Variants in ASTN2 observed in about 807,000 individuals in gnomAD.
The protein encoded by ASTN2 is astrotactin 2.
A neutral mutation model predicts 139.8 loss-of-function variants in ASTN2; 54 were observed. The observed-to-expected ratio is 0.39, with a 90% CI of 0.31 to 0.48. ASTN2 has a LOEUF of 0.48. Among genes scored for constraint, ASTN2 ranks in the 20% least tolerant of loss-of-function variants. The probability of loss-of-function intolerance (pLI) is 0.95; values close to 1 mark genes in which losing one functional copy is unlikely to be tolerated. For missense variants in ASTN2, 1,565 were observed against 1,725.1 expected, an observed-to-expected ratio of 0.91 and a Z score of 1.64; for synonymous variants, 756 against 719.5, an observed-to-expected ratio of 1.05 and a Z score of -0.81.
Position 116,568,908 on chromosome 9 carries a change from C to T in ASTN2, c.3355+49416G>A, listed in dbSNP as rs537436790. 142 of 152,186 alleles carry T rather than the reference C, an allele frequency of 9.3e-4. 1 individual carries two copies. The highest frequency in any genetic ancestry group is 3.3e-3 in the African/African-American group (138 of 41,526). 9.4% of individuals were successfully genotyped at this position (152,186 alleles called of 1,614,324 possible). On this transcript the variant is annotated intron_variant, in intron 19 of 22. Coordinates refer to ENST00000313400, the MANE Select transcript of ASTN2 (RefSeq NM_001365068.1). ...GGGAGAATGCCACTTTCCAGTATTA[C>T]AAAAATATCCTTTAGGCAAGGTGAG...
chr9:117,400,022 G>C (rs188504398), intron 1 of ASTN2, among the ~76,000 whole-genome samples: 1 of 152,252 alleles, frequency 6.6e-6, no homozygotes, highest in East Asian at 1.9e-4. Context: ...CTATATGATG[G>C]ACACATCTGT....
At chr9:117,141,259 C>A in intron 4 of ASTN2, 67 bp downstream of exon 4, 1 of 1,334,680 alleles carries the variant, frequency 7.5e-7, no homozygotes, top group East Asian at 4.6e-5. Context: ...GCACAGATCT[C>A]CCTAGCATCT....
At chr9:117,155,203 G>T (rs1273038436) in intron 3 of ASTN2, among the ~76,000 whole-genome samples, 1 of 151,814 alleles carries the variant, frequency 6.6e-6, no homozygotes, top group Non-Finnish European at 1.5e-5. Flanking sequence ...CCTTGTTTTG[G>T]CCCTGGTTAA....
intron 11 of ASTN2, among the ~76,000 whole-genome samples, chr9:116,849,821 T>A (rs549600413): frequency 5.3e-5 from 8 of 152,326 alleles, no homozygotes; most frequent in Non-Finnish European, 2.9e-5. Context: ...CACCTTCTCA[T>A]TGATCACTCA....
At chr9:117,030,885 C>T (rs1017508837) in intron 6 of ASTN2, among the ~76,000 whole-genome samples, 42 of 152,124 alleles carry the variant, frequency 2.8e-4, no homozygotes, top group Non-Finnish European at 7.4e-5. Flanking sequence ...AATTATATTA[C>T]CAATTTCATT....
At chr9:117,148,966 C>G (rs967895324) in intron 3 of ASTN2, among the ~76,000 whole-genome samples, 1 of 151,662 alleles carries the variant, frequency 6.6e-6, no homozygotes, top group African/African-American at 2.4e-5. Flanking sequence ...ACTTGCCAGC[C>G]TCCACAATGA....
At chr9:116,860,525 T>C (rs1832849334) in intron 11 of ASTN2, among the ~76,000 whole-genome samples, 1 of 152,232 alleles carries the variant, frequency 6.6e-6, no homozygotes, top group Non-Finnish European at 1.5e-5. Flanking sequence ...GAAGTCAACA[T>C]AGACTCCAAA....
chr9:116,765,984 T>G (rs1829796132), intron 13 of ASTN2, among the ~76,000 whole-genome samples: 4 of 152,128 alleles, frequency 2.6e-5, no homozygotes, highest in African/African-American at 9.7e-5. Flanking sequence ...CAAATAATTT[T>G]CTCTTTCAAT....
At chr9:116,991,850 GC>G (rs1836865043) in intron 7 of ASTN2, among the ~76,000 whole-genome samples, 1 of 152,160 alleles carries the variant, frequency 6.6e-6, no homozygotes, top group African/African-American at 2.4e-5. Flanking sequence ...CTTGGAAGGG[GC>G]CAGTGGTGTC....
At chr9:116,913,780 T>A (rs1834375094) in intron 10 of ASTN2, among the ~76,000 whole-genome samples, 1 of 152,006 alleles carries the variant, frequency 6.6e-6, no homozygotes, top group African/African-American at 2.4e-5. Context: ...ATTAAAGTAA[T>A]CTATACTGCT....
chr9:117,008,748 T>C (rs894002798), intron 6 of ASTN2, among the ~76,000 whole-genome samples: 1 of 152,224 alleles, frequency 6.6e-6, no homozygotes, highest in Non-Finnish European at 1.5e-5. Flanking sequence ...GTCACTCAGA[T>C]GTCTCCTCTG....
intron 13 of ASTN2, among the ~76,000 whole-genome samples, chr9:116,740,658 G>A (rs975903103): frequency 4.6e-5 from 7 of 151,580 alleles, no homozygotes; most frequent in African/African-American, 1.7e-4. Context: ...GACTACAGGC[G>A]CCCACCACCA....
At chr9:116,559,652 A>G (rs10983234) in intron 19 of ASTN2, among the ~76,000 whole-genome samples, 13,563 of 152,150 alleles carry the variant, frequency 0.089, 621 homozygotes, top group East Asian at 0.14. Flanking sequence ...CTGAATCCTG[A>G]TCACATCTAA....
At chr9:116,464,344 G>A (rs1848586669) in intron 20 of ASTN2, among the ~76,000 whole-genome samples, 1 of 152,064 alleles carries the variant, frequency 6.6e-6, no homozygotes, top group Non-Finnish European at 1.5e-5. Flanking sequence ...AGATTTTTGT[G>A]AGGATTATTT....
At chr9:116,611,128 T>C (rs1855518056) in intron 19 of ASTN2, 1 of 152,038 alleles carries the variant, frequency 6.6e-6, no homozygotes, top group Admixed American at 6.5e-5. Context: ...ACAACAAAAA[T>C]TTCTGAAAAA....
intron 2 of ASTN2, among the ~76,000 whole-genome samples, chr9:117,247,621 A>T (rs553630619): frequency 3.4e-4 from 52 of 152,284 alleles, no homozygotes; most frequent in African/African-American, 1.1e-3. Flanking sequence ...AAAAACAAAA[A>T]CTGTCATCCA....
chr9:117,261,562 A>C (rs950157358), intron 2 of ASTN2, among the ~76,000 whole-genome samples: 2 of 152,190 alleles, frequency 1.3e-5, no homozygotes, highest in African/African-American at 4.8e-5. Context: ...AGTCTGAAAC[A>C]AAAGAATGTT....
At chr9:117,364,209 G>T (rs1278781881) in intron 1 of ASTN2, among the ~76,000 whole-genome samples, 1 of 152,104 alleles carries the variant, frequency 6.6e-6, no homozygotes, top group Non-Finnish European at 1.5e-5. Context: ...TTCCCCCTCT[G>T]ATAACTTAGA....
Position 116,620,412 on chromosome 9 carries a change from C to G in ASTN2, c.3104G>C (p.Trp1035Ser), listed in dbSNP as rs145575569. The G allele has an allele frequency of 6.2e-7, 1 of 1,614,082 alleles. No homozygotes were observed. The highest frequency in any genetic ancestry group is 8.5e-7 in the Non-Finnish European group (1 of 1,179,998). ...GATCACATCCCCTTTCCCTGAGCAC[C>G]AGTAGGAACTCATCAGTGCACTCTT... ...AFKSALMSSY[W>S]CSGKGDVIDD... Residue 1035 changes from tryptophan to serine, a missense_variant, in exon 18 of 23, where the codon TGG becomes TCG. Transcript: ENST00000313400.
Sources: allele counts gnomAD v4.1 joint callset (sites outside exome capture counted in the v4.1 genomes callset), GRCh38; gene constraint gnomAD v4.1.1; transcripts MANE v1.5; gene names NCBI Gene and HGNC (gene_info 2026-07-23, HGNC 2026-07-21).